Variants in RPH3A observed in about 807,000 individuals in gnomAD.
The protein encoded by RPH3A is rabphilin 3A, also known as rabphilin-3A.
RPH3A carries 48 observed loss-of-function variants against 102.2 expected under a neutral mutation model. The observed-to-expected ratio is 0.47, with a 90% CI of 0.37 to 0.60. The LOEUF (loss-of-function observed/expected upper bound fraction) is 0.60. Among genes scored for constraint, RPH3A ranks in the 20% least tolerant of loss-of-function variants. The probability of loss-of-function intolerance (pLI) is 0.00; values close to 1 mark genes in which losing one functional copy is unlikely to be tolerated. For synonymous variants in RPH3A, 310 were observed against 324.3 expected (o/e 0.96, Z 0.47); for missense variants, 781 against 910.1 (o/e 0.86, Z 1.83).
intron 1 of RPH3A, among the ~76,000 whole-genome samples, chr12:112,677,740 C>T (rs1023702571): frequency 4.6e-5 from 7 of 152,046 alleles, no homozygotes; most frequent in African/African-American, 1.5e-4. Flanking sequence ...GCTTGCAAGG[C>T]ACACAGCCCA....
rs185286060 is a variant in RPH3A at position 112,779,744 on chromosome 12, T to C, written c.-139-12399T>C. On this transcript the variant is annotated intron_variant, in intron 1 of 21. Coordinates refer to the RPH3A transcript ENST00000543106. Reference sequence around the variant, plus strand: ...TTGAATAATGTCCCCCTAAAATCCATGTCTACCCAGAACCTCAGAATGTGA... The same window carrying C: ...TTGAATAATGTCCCCCTAAAATCCACGTCTACCCAGAACCTCAGAATGTGA... 2.1e-3 allele frequency among the ~76,000 whole-genome samples: 325 copies of C among 152,250 alleles called. 5 individuals are homozygous for C. The highest frequency in any genetic ancestry group is 1.5e-3 in the Non-Finnish European group (101 of 68,014).
At chr12:112,654,826 G>T (rs530860488) in intron 1 of RPH3A, among the ~76,000 whole-genome samples, 2 of 152,254 alleles carry the variant, frequency 1.3e-5, no homozygotes, top group East Asian at 3.9e-4. Flanking sequence ...GTGTTCAAAG[G>T]TAGAAACACC....
intron 1 of RPH3A, among the ~76,000 whole-genome samples, chr12:112,772,167 T>C (rs2040931249): frequency 6.6e-6 from 1 of 152,164 alleles, no homozygotes; most frequent in Non-Finnish European, 1.5e-5. Flanking sequence ...TTTTATCCTG[T>C]GAGAAAAATG....
At chr12:112,812,949 A>T (rs932895562) in intron 2 of RPH3A, among the ~76,000 whole-genome samples, 1 of 152,226 alleles carries the variant, frequency 6.6e-6, no homozygotes, top group African/African-American at 2.4e-5. Flanking sequence ...ATATCTGGAG[A>T]TGACCACAAG....
At chr12:112,726,820 C>T (rs1261393922) in intron 1 of RPH3A, among the ~76,000 whole-genome samples, 2 of 151,810 alleles carry the variant, frequency 1.3e-5, no homozygotes, top group East Asian at 1.9e-4. Context: ...GTCAGGAGTT[C>T]GAGACCAGAC....
In RPH3A at chr12:112,897,565, C is replaced by T. The variant is rs985857863; in HGVS notation, c.*785C>T. ...AGCCTCTCCCCTCTCCTTTCTCTCC[C>T]TGCCTTTCTTCCCTTTGCCTTTCTC... On this transcript the variant is annotated 3_prime_UTR_variant, in exon 22 of 22. Coordinates refer to ENST00000389385, the MANE Select transcript of RPH3A (RefSeq NM_001143854.2). 2 of 152,518 alleles carry T rather than the reference C, an allele frequency of 1.3e-5. No individual in the cohort carries two copies. Among genetic ancestry groups the T allele is most frequent in the African/African-American group, 4.8e-5 (2 of 41,420 alleles). The allele number at this position is 152,518 out of a possible 1,614,324, so 9.4% of individuals were successfully genotyped here.
At chr12:112,844,428 C>A (rs1276142283) in intron 4 of RPH3A, among the ~76,000 whole-genome samples, 1 of 152,174 alleles carries the variant, frequency 6.6e-6, no homozygotes. Context: ...CAGCTGCAAG[C>A]AAATTAATTC....
chr12:112,728,804 C>T (rs2040613411), intron 1 of RPH3A, among the ~76,000 whole-genome samples: 1 of 152,152 alleles, frequency 6.6e-6, no homozygotes, highest in Admixed American at 6.5e-5. Flanking sequence ...AAACCAACTT[C>T]TTAACAGGGG....
At chr12:112,854,940 T>A (rs912643449) in intron 5 of RPH3A, among the ~76,000 whole-genome samples, 2 of 152,234 alleles carry the variant, frequency 1.3e-5, no homozygotes, top group Non-Finnish European at 2.9e-5. Context: ...TTTATTGAAG[T>A]TAATTGATCG....
intron 1 of RPH3A, among the ~76,000 whole-genome samples, chr12:112,612,645 A>G (rs2039647909): frequency 6.7e-6 from 1 of 149,228 alleles, no homozygotes; most frequent in Non-Finnish European, 1.5e-5. Flanking sequence ...GCTCCCTGCA[A>G]CCTCAACTTC....
At chr12:112,831,339 G>A (rs1233662164) in intron 3 of RPH3A, among the ~76,000 whole-genome samples, 1 of 151,856 alleles carries the variant, frequency 6.6e-6, no homozygotes, top group Non-Finnish European at 1.5e-5. Flanking sequence ...TCATTCCTAT[G>A]ATATCCATGG....
chr12:112,662,901 G>T (rs910770332), intron 1 of RPH3A, among the ~76,000 whole-genome samples: 1 of 152,064 alleles, frequency 6.6e-6, no homozygotes, highest in African/African-American at 2.4e-5. Context: ...GCATGACCAG[G>T]CTGGGGCAAT....
intron 1 of RPH3A, among the ~76,000 whole-genome samples, chr12:112,714,739 C>T (rs183489529): frequency 3.3e-5 from 5 of 152,122 alleles, no homozygotes; most frequent in Middle Eastern, 3.4e-3. Flanking sequence ...GATGGAGTGA[C>T]GGTTGAGGAT....
At chr12:112,635,679 G>T (rs1020747149) in intron 1 of RPH3A, among the ~76,000 whole-genome samples, 4 of 152,144 alleles carry the variant, frequency 2.6e-5, no homozygotes, top group East Asian at 1.9e-4. Flanking sequence ...ATTCCCTGGG[G>T]TACTGTCATC....
At chr12:112,869,400 G>A (rs1011120835) in intron 8 of RPH3A, 7 of 207,082 alleles carry the variant, frequency 3.4e-5, no homozygotes, top group Non-Finnish European at 5.7e-5. Context: ...CAAGGCAAGA[G>A]CAATTTCTAC....
Position 112,649,292 on chromosome 12 carries a change from A to T in RPH3A, c.-140+73973A>T, listed in dbSNP as rs569366717. On this transcript the variant is annotated intron_variant, in intron 1 of 21. Coordinates refer to the RPH3A transcript ENST00000543106. ...GAGATTTTCTATTTTGTGCCCTGGCACATTTTTATTTTGAATTATTTAAGA... is the reference window on the plus strand; with the variant it reads ...GAGATTTTCTATTTTGTGCCCTGGCTCATTTTTATTTTGAATTATTTAAGA... The T allele has an allele frequency of 9.8e-5, 15 of 152,338 alleles. No homozygotes were observed. The South Asian group carries it at 3.1e-3, about 32-fold the overall frequency. 9.4% of individuals were successfully genotyped at this position (152,338 alleles called of 1,614,324 possible).
chr12:112,712,879 TTTCTTC>T (rs374301306), intron 1 of RPH3A, among the ~76,000 whole-genome samples: 13 of 136,744 alleles, frequency 9.5e-5, no homozygotes, highest in African/African-American at 2.2e-4. Flanking sequence ...CTCACTTTTT[TTTCTTC>T]TTCTTCTTCT....
At chr12:112,678,566 A>G (rs1385340545) in intron 1 of RPH3A, among the ~76,000 whole-genome samples, 1 of 152,118 alleles carries the variant, frequency 6.6e-6, no homozygotes, top group East Asian at 1.9e-4. Context: ...CTATCAGGAA[A>G]AACATTTATT....
At chr12:112,650,119 T>A (rs2039963582) in intron 1 of RPH3A, among the ~76,000 whole-genome samples, 1 of 152,200 alleles carries the variant, frequency 6.6e-6, no homozygotes, top group South Asian at 2.1e-4. Context: ...TCCCCTCAGT[T>A]CCTGGTTGTA....
Sources: gnomAD v4.1 joint callset for allele counts (sites outside exome capture counted in the v4.1 genomes callset) on GRCh38, gnomAD v4.1.1 for gene constraint, MANE v1.5 for transcripts, NCBI Gene and HGNC (gene_info 2026-07-23, HGNC 2026-07-21) for gene names.